The following TLN2 variants were observed in gnomAD, a reference collection of about 807,000 sequenced individuals.
The protein encoded by TLN2 is talin 2.
In TLN2, 118 loss-of-function variants were observed where a neutral mutation model predicts 294.7. The observed-to-expected ratio is 0.40, with a 90% confidence interval of 0.34 to 0.47. The LOEUF (loss-of-function observed/expected upper bound fraction) is 0.47, where lower values mean the gene tolerates loss of function less well. Ranked by LOEUF, TLN2 falls within the 20% of genes least tolerant of loss-of-function variation. The pLI is 0.84. For missense variants in TLN2, 3,083 were observed against 3,282.2 expected (o/e 0.94, Z 1.48); for synonymous variants, 1,431 against 1,304.5 (o/e 1.10, Z -2.09).
intron 9 of TLN2, among the ~76,000 whole-genome samples, chr15:62,668,063 G>A (rs1261995399): frequency 6.6e-6 from 1 of 152,152 alleles, no homozygotes; most frequent in Non-Finnish European, 1.5e-5. Flanking sequence ...GGGAAATGGG[G>A]AGATAGTGGT....
intron 14 of TLN2, among the ~76,000 whole-genome samples, chr15:62,696,885 G>C (rs934759000): frequency 2.6e-5 from 4 of 152,084 alleles, no homozygotes; most frequent in African/African-American, 9.7e-5. Flanking sequence ...AGGGAGGGGA[G>C]CTAAGATGTG....
At chr15:62,485,760 T>C (rs1470892544) in intron 1 of TLN2, among the ~76,000 whole-genome samples, 3 of 152,170 alleles carry the variant, frequency 2.0e-5, no homozygotes, top group African/African-American at 7.2e-5. Flanking sequence ...CCTGGCTCAA[T>C]CTGTGTGTCT....
chr15:62,537,802 G>A (rs1451173776), intron 1 of TLN2, among the ~76,000 whole-genome samples: 1 of 152,164 alleles, frequency 6.6e-6, no homozygotes, highest in Non-Finnish European at 1.5e-5. Context: ...GGAGTTTCTG[G>A]TCTCAATAGC....
chr15:62,686,571 T>G (rs1249436173), intron 11 of TLN2, 70 bp from the exon 12 acceptor site: 1 of 1,528,482 alleles, frequency 6.5e-7, no homozygotes, highest in Non-Finnish European at 8.8e-7. Flanking sequence ...GGTCAAAAAA[T>G]CACTGATTCC....
rs565356385 is a variant in TLN2 at position 62,697,645 on chromosome 15, A to G, written c.1293-43A>G. On this transcript the variant is annotated intron_variant, in intron 14 of 58. Coordinates refer to ENST00000636159, the MANE Select transcript of TLN2 (RefSeq NM_015059.3). ...GTGGGGTCTCCTCATTGCACTCCAC[A>G]TGGCTGGTGTTCTCTCAGTGACCAA... is the stretch of plus-strand genomic sequence containing the variant. The G allele has an allele frequency of 1.8e-5, 28 of 1,565,262 alleles. No homozygotes were observed. The South Asian group carries it at 2.4e-4, about 13-fold the overall frequency.
intron 1 of TLN2, among the ~76,000 whole-genome samples, chr15:62,444,911 A>G (rs1418890686): frequency 5.3e-5 from 8 of 152,130 alleles, no homozygotes; most frequent in Non-Finnish European, 8.8e-5. Flanking sequence ...GTGCATGTGT[A>G]TGTTTGGGGG....
intron 54 of TLN2, among the ~76,000 whole-genome samples, chr15:62,825,777 A>ATATATTATATATTATATTATAATATATAT (rs2068031704): frequency 8.1e-5 from 2 of 24,660 alleles, no homozygotes; most frequent in African/African-American, 3.1e-4. Context: ...ATATTATATA[A>ATATATTATATATTATATTATAATATATAT]TATATTATAT....
At chr15:62,692,985 T>C in intron 13 of TLN2, 44 bp downstream of exon 13, 1 of 1,540,284 alleles carries the variant, frequency 6.5e-7, no homozygotes, top group Non-Finnish European at 8.9e-7. Context: ...ACGGCTTTAT[T>C]AAAAGGCTTG....
rs1316391063 is a variant in TLN2, at chr15:62,835,647, G to A, written c.7129-90G>A. On this transcript the variant is annotated intron_variant, in intron 55 of 58. Coordinates refer to ENST00000636159, the MANE Select transcript of TLN2 (RefSeq NM_015059.3). Reference sequence around the variant, plus strand: ...GCAGGAGGCACCAAGCGGGGTACAAGTCTGGTTCCCGAGCAAGGTCTGGGG... The same window carrying A: ...GCAGGAGGCACCAAGCGGGGTACAAATCTGGTTCCCGAGCAAGGTCTGGGG... 1.5e-5 allele frequency: 22 copies of A among 1,459,810 alleles called. No homozygotes were observed. The East Asian group carries it at 4.5e-4, about 30-fold the overall frequency. The allele number at this position is 1,459,810 out of a possible 1,614,324, so 90.4% of individuals were successfully genotyped here. A position where few individuals can be genotyped will look rare whatever the true frequency, so the allele number is the denominator to read the frequency against.
chr15:62,521,790 TC>T (rs2040472477), intron 1 of TLN2, among the ~76,000 whole-genome samples: 1 of 152,174 alleles, frequency 6.6e-6, no homozygotes, highest in African/African-American at 2.4e-5. Flanking sequence ...TGCAAATTTC[TC>T]CCATGAAAGA....
intron 9 of TLN2, among the ~76,000 whole-genome samples, chr15:62,669,395 G>C (rs1005147045): frequency 2.0e-5 from 3 of 151,988 alleles, no homozygotes; most frequent in African/African-American, 7.3e-5. Context: ...ACCTCTCATG[G>C]ATCTTACTGA....
Position 62,770,992 on chromosome 15 carries a change from C to T in TLN2, c.5225C>T (p.Pro1742Leu). 6.2e-7 allele frequency: 1 copy of T among 1,611,284 alleles called. No homozygotes were observed. Among genetic ancestry groups the T allele is most frequent in the Non-Finnish European group, 8.5e-7 (1 of 1,179,154 alleles). ...KVTQLASYFE[P>L]LILAAVGVAS... ...ACACAACTGGCAAGCTATTTTGAGC[C>T]CTTGATCTTAGCCGCAGTTGGTGTG... The change falls in exon 42 of 59, where the codon CCC (proline) becomes CTC (leucine). Residue 1742 changes from proline (P) to leucine (L), a missense_variant. Physicochemically the swap from Pro to Leu is moderately conservative, Grantham distance 98 (BLOSUM62 -3). Coordinates refer to ENST00000636159, the MANE Select transcript of TLN2 (RefSeq NM_015059.3).
chr15:62,534,558 C>T (rs908061352), intron 1 of TLN2, among the ~76,000 whole-genome samples: 4 of 152,184 alleles, frequency 2.6e-5, no homozygotes, highest in African/African-American at 7.2e-5. Flanking sequence ...GCTCCCAGAA[C>T]CCAGTCCATG....
chr15:62,422,153 G>C lies in TLN2; in HGVS notation c.-238+31468G>C, dbSNP rs1023024770. ...CACATGTCTGTAATCTCTGCTACTTGGGAGGCTGAGGCAGGAGAATCAGCC... is the reference window on the plus strand; with the variant it reads ...CACATGTCTGTAATCTCTGCTACTTCGGAGGCTGAGGCAGGAGAATCAGCC... On this transcript the variant is annotated intron_variant, in intron 1 of 58. Coordinates refer to ENST00000636159, the MANE Select transcript of TLN2 (RefSeq NM_015059.3). Among the ~76,000 whole-genome samples, 110 of 149,394 alleles carry C rather than the reference G, an allele frequency of 7.4e-4. 1 individual carries two copies. Among genetic ancestry groups the C allele is most frequent in the African/African-American group, 2.5e-3 (100 of 40,440 alleles).
At chr15:62,448,360 A>C (rs948018200) in intron 1 of TLN2, among the ~76,000 whole-genome samples, 1 of 152,206 alleles carries the variant, frequency 6.6e-6, no homozygotes, top group African/African-American at 2.4e-5. Flanking sequence ...TTGCAAATGT[A>C]GTTATAGAAA....
intron 43 of TLN2, among the ~76,000 whole-genome samples, chr15:62,778,649 G>A (rs2063891097): frequency 6.6e-6 from 1 of 152,224 alleles, no homozygotes; most frequent in African/African-American, 2.4e-5. Context: ...GCCATTAGTG[G>A]TATAGCCTAT....
chr15:62,544,125 C>T lies in TLN2; in HGVS notation c.-237-45562C>T, dbSNP rs982883297. ...ATAATCATTTGTGTTCTTAGAGTGG[C>T]GAATCTCCATTTGAGCCTGCTCTTC... On this transcript the variant is annotated intron_variant, in intron 1 of 58. Transcript: ENST00000636159. Among the ~76,000 whole-genome samples, 4 of 152,152 alleles carry T rather than the reference C, an allele frequency of 2.6e-5. No individual in the cohort carries two copies. In the South Asian group the frequency reaches 6.2e-4, roughly 24 times the overall value.
intron 11 of TLN2, 144 bp from the exon 12 acceptor site, chr15:62,686,497 A>G (rs1229619387): frequency 2.2e-6 from 2 of 902,226 alleles, no homozygotes; most frequent in Non-Finnish European, 3.3e-6. Flanking sequence ...TTATTCACCT[A>G]GCCTCAAAAT....
chr15:62,636,613 T>C (rs925498417), intron 3 of TLN2, among the ~76,000 whole-genome samples: 4 of 152,214 alleles, frequency 2.6e-5, no homozygotes, highest in East Asian at 1.9e-4. Flanking sequence ...AGTCAAAAAA[T>C]GTGCTTTTGC....
Sources: allele counts gnomAD v4.1 joint callset (sites outside exome capture counted in the v4.1 genomes callset), GRCh38; gene constraint gnomAD v4.1.1; transcripts MANE v1.5; gene names NCBI Gene and HGNC (gene_info 2026-07-23, HGNC 2026-07-21).